Variants in MKKS observed in about 807,000 individuals in gnomAD.
MKKS encodes molecular chaperone MKKS.
In MKKS, 29 loss-of-function variants were observed where a neutral mutation model predicts 33.2. That is an observed-to-expected ratio of 0.87 (90% confidence interval 0.65 to 1.19). The LOEUF (loss-of-function observed/expected upper bound fraction) is 1.19. Among genes scored for constraint, MKKS ranks in the 50% most tolerant of loss-of-function variants. The probability of loss-of-function intolerance (pLI) is 0.00; values close to 1 mark genes in which losing one functional copy is unlikely to be tolerated. For synonymous variants in MKKS, 260 were observed against 244.0 expected (o/e 1.07, Z -0.61); for missense variants, 661 against 662.3 (o/e 1.00, Z 0.02).
intron 3 of MKKS, among the ~76,000 whole-genome samples, chr20:10,410,500 G>A (rs753450029): frequency 1.4e-4 from 21 of 152,084 alleles, no homozygotes; most frequent in Non-Finnish European, 2.4e-4. Context: ...GCGTGGTGGC[G>A]TGTGCCTGTA....
intron 5 of MKKS, 110 bp downstream of exon 5, chr20:10,407,506 A>G: frequency 2.1e-6 from 2 of 955,680 alleles, no homozygotes; most frequent in South Asian, 1.4e-5. Context: ...CCTGAACCTA[A>G]AAGTTAAAAC....
At position 10,413,599 on chromosome 20, in the gene MKKS, TA is replaced by T; in HGVS notation, c.-86del. 1 of 1,447,952 alleles carries T rather than the reference TA, an allele frequency of 6.9e-7. No individual in the cohort carries two copies. The highest frequency in any genetic ancestry group is 9.6e-7 in the Non-Finnish European group (1 of 1,037,676). 89.7% of individuals were successfully genotyped at this position (1,447,952 alleles called of 1,614,324 possible). A position where few individuals can be genotyped will look rare whatever the true frequency, so the allele number is the denominator to read the frequency against. ...TTATTGCATTATCACGTTTTAACATTAAAAATTATTCTTTAGGAATTAAAGT... is the reference window on the plus strand; with the variant it reads ...TTATTGCATTATCACGTTTTAACATTAAAATTATTCTTTAGGAATTAAAGT... On this transcript the variant is annotated 5_prime_UTR_variant, in exon 3 of 6. Transcript: ENST00000347364.
chr20:10,403,046 C>A lies in MKKS; in HGVS notation c.*2201G>T, dbSNP rs1011674845. 1.3e-5 allele frequency: 2 copies of A among 152,188 alleles called. No homozygotes were observed. Among genetic ancestry groups the A allele is most frequent in the African/African-American group, 4.8e-5 (2 of 41,432 alleles). 9.4% of individuals were successfully genotyped at this position (152,188 alleles called of 1,614,324 possible). A position where few individuals can be genotyped will look rare whatever the true frequency, so the allele number is the denominator to read the frequency against. On this transcript the variant is annotated 3_prime_UTR_variant, in exon 6 of 6. Coordinates refer to ENST00000347364, the MANE Select transcript of MKKS (RefSeq NM_170784.3). ...TCCAGTGGTAGGGCTATACTCAACT[C>A]AAGGTTCCACTGGGGAGAACCTGCT...
rs780258538 is a variant in MKKS at position 10,405,396 on chromosome 20, G to T, written c.1564C>A (p.Pro522Thr). ...GCTTCATGTGGAAGGCAGCTTTGTG[G>T]CACAAATGGACGACGTGTGCTTCTT... ...FLRSTRRPFV[P>T]QSCLPHEAVG... Residue 522 changes from proline to threonine, a missense_variant, in exon 6 of 6, where the codon CCA (proline) becomes ACA (threonine). By Grantham distance (38) the Pro-to-Thr change is conservative. Coordinates refer to ENST00000347364, the MANE Select transcript of MKKS (RefSeq NM_170784.3). 2 of 1,614,184 alleles carry T rather than the reference G, an allele frequency of 1.2e-6. No individual in the cohort carries two copies. Among genetic ancestry groups the T allele is most frequent in the South Asian group, 2.2e-5 (2 of 91,082 alleles).
At chr20:10,426,605 C>T (rs555676771) in intron 1 of MKKS, among the ~76,000 whole-genome samples, 6 of 152,280 alleles carry the variant, frequency 3.9e-5, no homozygotes, top group Non-Finnish European at 8.8e-5. Context: ...CACCATGTTG[C>T]CCAGGCTGGT....
In MKKS at chr20:10,413,352, A is replaced by G; in HGVS notation, c.163T>C (p.Cys55Arg). 1 of 1,613,970 alleles carries G rather than the reference A, an allele frequency of 6.2e-7. No homozygotes were observed. The highest frequency in any genetic ancestry group is 8.5e-7 in the Non-Finnish European group (1 of 1,179,816). ...QLHNGFGGYV[C>R]TTSQSSALLS... ...AGAGCTGAGGACTGTGAGGTTGTAC[A>G]CACGTAACCTCCAAAGCCATTGTGC... The change falls in exon 3 of 6, where the codon TGT becomes CGT. Residue 55 changes from cysteine to arginine, a missense_variant. By Grantham distance (180) the Cys-to-Arg change is radical. Transcript: ENST00000347364.
At chr20:10,427,305 T>A (rs1282183708) in intron 1 of MKKS, among the ~76,000 whole-genome samples, 1 of 152,234 alleles carries the variant, frequency 6.6e-6, no homozygotes, top group Non-Finnish European at 1.5e-5. Context: ...GCTGGCCTTT[T>A]GGACACAGTG....
intron 1 of MKKS, among the ~76,000 whole-genome samples, chr20:10,421,834 CTA>C (rs1687591457): frequency 1.3e-5 from 2 of 151,780 alleles, no homozygotes; most frequent in African/African-American, 4.8e-5. Flanking sequence ...CAGAAAGATG[CTA>C]TGTTTGATGA....
rs1181390571 is a variant in MKKS at position 10,405,243 on chromosome 20, T to C, written c.*4A>G. On this transcript the variant is annotated 3_prime_UTR_variant, in exon 6 of 6. Transcript: ENST00000347364. ...TTCTCTTGTAATACGAACATGCTAT[T>C]CTCTTAGTTTTTATCTTCAATAACA... 1.7e-5 allele frequency: 27 copies of C among 1,603,922 alleles called. No individual in the cohort carries two copies. The highest frequency in any genetic ancestry group is 2.3e-5 in the Non-Finnish European group (27 of 1,173,466).
chr20:10,417,470 G>T (rs2064947605), intron 2 of MKKS, among the ~76,000 whole-genome samples: 1 of 152,172 alleles, frequency 6.6e-6, no homozygotes, highest in African/African-American at 2.4e-5. Flanking sequence ...ACTTAGCCAG[G>T]TGTGGTGGCG....
intron 2 of MKKS, among the ~76,000 whole-genome samples, chr20:10,417,143 C>T (rs1053577240): frequency 4.6e-5 from 7 of 150,560 alleles, no homozygotes; most frequent in Admixed American, 3.3e-4. Context: ...CCCAGTTACT[C>T]GGGAGGTTGA....
At chr20:10,408,841 C>A in intron 3 of MKKS, 38 bp from the exon 4 acceptor site, 2 of 1,513,706 alleles carry the variant, frequency 1.3e-6, no homozygotes, top group Middle Eastern at 2.1e-4. Context: ...GTTGTATAAG[C>A]AAAAGTGGAG....
intron 2 of MKKS, among the ~76,000 whole-genome samples, chr20:10,419,519 A>T (rs1323449668): frequency 6.6e-6 from 1 of 152,180 alleles, no homozygotes; most frequent in East Asian, 1.9e-4. Flanking sequence ...TTCCAAGACC[A>T]CCCAGTGGAT....
At chr20:10,415,151 G>A (rs1472497488) in intron 2 of MKKS, among the ~76,000 whole-genome samples, 1 of 152,188 alleles carries the variant, frequency 6.6e-6, no homozygotes, top group East Asian at 1.9e-4. Flanking sequence ...ATAATAATGT[G>A]TGAAAAGAAT....
At chr20:10,427,141 T>C (rs2065021366) in intron 1 of MKKS, among the ~76,000 whole-genome samples, 1 of 151,752 alleles carries the variant, frequency 6.6e-6, no homozygotes, top group African/African-American at 2.4e-5. Context: ...CAGCTGGATC[T>C]AGCCATCAGA....
rs1286188726 is a variant in MKKS, at chr20:10,409,801, T to C, written c.986-998A>G. ...GCCTGGCCAACATGGTGAAACCCCG[T>C]CTCTACTAAAAATACAAAAACTAGC... is the stretch of plus-strand genomic sequence containing the variant. On this transcript the variant is annotated intron_variant, in intron 3 of 5. Transcript: ENST00000347364. 4.0e-5 allele frequency among the ~76,000 whole-genome samples: 6 copies of C among 151,618 alleles called. No individual in the cohort carries two copies. In the East Asian group the frequency reaches 1.2e-3, roughly 29 times the overall value.
In MKKS at chr20:10,426,316, G is replaced by A. The variant is rs184971893; in HGVS notation, c.-648-5558C>T. On this transcript the variant is annotated intron_variant, in intron 1 of 5. Coordinates refer to ENST00000347364, the MANE Select transcript of MKKS (RefSeq NM_170784.3). ...CTGTCTATCAGGATTTCCAGTGTGT[G>A]ATCACGGATGAGGGGAACATTTGGA... Among the ~76,000 whole-genome samples the A allele has an allele frequency of 1.4e-4, 22 of 152,340 alleles. No individual in the cohort carries two copies. The East Asian group carries it at 4.2e-3, about 29-fold the overall frequency.
At chr20:10,422,572 G>A (rs1428276327) in intron 1 of MKKS, among the ~76,000 whole-genome samples, 1 of 152,140 alleles carries the variant, frequency 6.6e-6, no homozygotes, top group African/African-American at 2.4e-5. Context: ...GCTGGCCTGT[G>A]TTGATTGACA....
At chr20:10,433,431 T>C (rs371248097) in intron 1 of MKKS, among the ~76,000 whole-genome samples, 40 of 152,360 alleles carry the variant, frequency 2.6e-4, no homozygotes, top group African/African-American at 9.1e-4. Context: ...TCTTGGTCAC[T>C]GCCGTATCTA....
Sources: gnomAD v4.1 joint callset for allele counts (sites outside exome capture counted in the v4.1 genomes callset) on GRCh38, gnomAD v4.1.1 for gene constraint, MANE v1.5 for transcripts, NCBI Gene and HGNC (gene_info 2026-07-23, HGNC 2026-07-21) for gene names.